The following SULT4A1 variants were observed in gnomAD, a reference collection of about 807,000 sequenced individuals.
SULT4A1 encodes sulfotransferase family 4A member 1.
A neutral mutation model predicts 35.2 loss-of-function variants in SULT4A1; 11 were observed. The ratio of observed to expected loss-of-function variants is 0.31; its 90% CI spans 0.20 to 0.52. SULT4A1 has a LOEUF of 0.52. Among genes scored for constraint, SULT4A1 ranks in the 20% least tolerant of loss-of-function variants. The pLI is 0.97. For missense variants in SULT4A1, 271 were observed against 383.7 expected (o/e 0.71, Z 2.45); for synonymous variants, 152 against 151.8 (o/e 1.00, Z -0.01).
intron 4 of SULT4A1, 88 bp downstream of exon 4, chr22:43,838,779 C>T (rs968593475): frequency 1.9e-6 from 3 of 1,559,910 alleles, no homozygotes; most frequent in South Asian, 1.1e-5. Context: ...AACTGGAGAC[C>T]GTGTCGGGGA....
intron 1 of SULT4A1, among the ~76,000 whole-genome samples, chr22:43,844,113 G>A (rs1486284602): frequency 6.6e-6 from 1 of 152,242 alleles, no homozygotes; most frequent in African/African-American, 2.4e-5. Context: ...TCCGCCACAG[G>A]AGGCCTCTGT....
intron 6 of SULT4A1, chr22:43,826,609 C>T (rs1001275383): frequency 7.1e-6 from 7 of 985,084 alleles, no homozygotes; most frequent in East Asian, 1.1e-4. Context: ...TCATTGGCTT[C>T]GGGAGAATTT....
rs535592636 is a variant in SULT4A1, at chr22:43,835,075, G to C, written c.509-1341C>G. On this transcript the variant is annotated intron_variant, in intron 4 of 6. Coordinates refer to ENST00000330884, the MANE Select transcript of SULT4A1 (RefSeq NM_014351.4). ...CTTCCCGCGCCCCCACCGCGGCCCT[G>C]AGCTTCCCGCGCCCCCACCGCTGCC... Among the ~76,000 whole-genome samples, 71 of 128,350 alleles carry C rather than the reference G, an allele frequency of 5.5e-4. 3 individuals are homozygous for C. The highest frequency in any genetic ancestry group is 2.1e-3 in the African/African-American group (66 of 31,128). The allele number at this position is 128,350 out of a possible 152,430, so 84.2% of individuals were successfully genotyped here. A position where few individuals can be genotyped will look rare whatever the true frequency, so the allele number is the denominator to read the frequency against.
chr22:43,850,654 T>A (rs756779501), intron 1 of SULT4A1, among the ~76,000 whole-genome samples: 1 of 152,124 alleles, frequency 6.6e-6, no homozygotes, highest in Admixed American at 6.5e-5. Context: ...CACAGGATCT[T>A]CCTGGACCTC....
chr22:43,840,470 G>A (rs865860199), intron 2 of SULT4A1, among the ~76,000 whole-genome samples: 4 of 152,136 alleles, frequency 2.6e-5, no homozygotes, highest in Middle Eastern at 3.2e-3. Context: ...CCTGGCGGTA[G>A]AGACAAGGGT....
At chr22:43,846,505 A>C (rs1047088733) in intron 1 of SULT4A1, among the ~76,000 whole-genome samples, 1 of 152,214 alleles carries the variant, frequency 6.6e-6, no homozygotes, top group South Asian at 2.1e-4. Flanking sequence ...GACACTGAGT[A>C]ATCAGAAGGG....
At chr22:43,830,850 C>T (rs1312374973) in intron 5 of SULT4A1, among the ~76,000 whole-genome samples, 2 of 152,184 alleles carry the variant, frequency 1.3e-5, no homozygotes, top group Non-Finnish European at 2.9e-5. Flanking sequence ...TGGACCCACA[C>T]CACAGTCCTG....
chr22:43,837,764 G>C (rs1189769630), intron 4 of SULT4A1, among the ~76,000 whole-genome samples: 2 of 152,282 alleles, frequency 1.3e-5, no homozygotes, highest in East Asian at 3.9e-4. Flanking sequence ...AACCAGGCCT[G>C]GCAGCAGCTC....
intron 1 of SULT4A1, among the ~76,000 whole-genome samples, chr22:43,854,812 C>T (rs530296339): frequency 1.3e-5 from 2 of 152,224 alleles, no homozygotes; most frequent in Non-Finnish European, 2.9e-5. Flanking sequence ...CCTTTCCTGG[C>T]TTCTTCCCCC....
intron 4 of SULT4A1, among the ~76,000 whole-genome samples, chr22:43,833,958 A>C (rs1290710486): frequency 6.6e-6 from 1 of 152,212 alleles, no homozygotes; most frequent in African/African-American, 2.4e-5. Flanking sequence ...CATGGGGGTG[A>C]CAGCCTCTGA....
intron 1 of SULT4A1, among the ~76,000 whole-genome samples, chr22:43,854,635 G>C (rs1400169180): frequency 6.6e-6 from 1 of 152,196 alleles, no homozygotes; most frequent in Non-Finnish European, 1.5e-5. Flanking sequence ...TGGCCACAGA[G>C]GAACAGGCCC....
At chr22:43,845,871 G>A (rs1460539940) in intron 1 of SULT4A1, among the ~76,000 whole-genome samples, 1 of 152,188 alleles carries the variant, frequency 6.6e-6, no homozygotes, top group Non-Finnish European at 1.5e-5. Context: ...ATGATCTGAG[G>A]TGGAGCAGTT....
chr22:43,847,518 G>A (rs1322432114), intron 1 of SULT4A1, among the ~76,000 whole-genome samples: 2 of 151,988 alleles, frequency 1.3e-5, no homozygotes, highest in African/African-American at 4.8e-5. Context: ...ACCCACCCTT[G>A]CTGTGGCCAT....
intron 3 of SULT4A1, 94 bp downstream of exon 3, chr22:43,839,851 G>A: frequency 8.2e-7 from 1 of 1,218,188 alleles, no homozygotes; most frequent in South Asian, 1.3e-5. Context: ...CCAAGGCCAG[G>A]TAAGTGCCAG....
intron 1 of SULT4A1, among the ~76,000 whole-genome samples, chr22:43,848,581 G>A (rs923077966): frequency 6.6e-6 from 1 of 152,222 alleles, no homozygotes; most frequent in African/African-American, 2.4e-5. Context: ...TGGGGGCCAC[G>A]CCTGGAGCTG....
In SULT4A1 at chr22:43,833,746, G is replaced by A; in HGVS notation, c.509-12C>T. The A allele has an allele frequency of 1.9e-6, 3 of 1,560,320 alleles. No homozygotes were observed. The highest frequency in any genetic ancestry group is 2.6e-6 in the Non-Finnish European group (3 of 1,151,540). The stretch of plus-strand genomic sequence containing the variant: ...GGAGCCGTAGCCCACTGCGGAGACA[G>A]GGGACAGGGTGAGCCACACGGCTGG... On this transcript the variant is annotated splice_polypyrimidine_tract_variant and intron_variant, in intron 4 of 6. Coordinates refer to ENST00000330884, the MANE Select transcript of SULT4A1 (RefSeq NM_014351.4).
chr22:43,847,282 T>G (rs1301735412), intron 1 of SULT4A1, among the ~76,000 whole-genome samples: 1 of 151,998 alleles, frequency 6.6e-6, no homozygotes, highest in Non-Finnish European at 1.5e-5. Flanking sequence ...TGTGATAACA[T>G]GATCAAAGAA....
chr22:43,843,386 C>T (rs988514015), intron 1 of SULT4A1, among the ~76,000 whole-genome samples: 1 of 152,236 alleles, frequency 6.6e-6, no homozygotes, highest in Non-Finnish European at 1.5e-5. Context: ...TGCACCACTG[C>T]ACTCCAGCCT....
At chr22:43,851,907 C>T (rs1353713428) in intron 1 of SULT4A1, among the ~76,000 whole-genome samples, 3 of 152,216 alleles carry the variant, frequency 2.0e-5, no homozygotes, top group East Asian at 1.9e-4. Context: ...CTCACGACTG[C>T]GGCATTCAGG....
Sources: gnomAD v4.1 joint callset for allele counts (sites outside exome capture counted in the v4.1 genomes callset) on GRCh38, gnomAD v4.1.1 for gene constraint, MANE v1.5 for transcripts, NCBI Gene and HGNC (gene_info 2026-07-23, HGNC 2026-07-21) for gene names.